Variants in LAMP3 observed in about 807,000 individuals in gnomAD.
LAMP3 encodes lysosome associated membrane protein 3.
Under a neutral mutation model 34.8 loss-of-function variants are expected in LAMP3, and 26 were observed. The ratio of observed to expected loss-of-function variants is 0.75; its 90% CI spans 0.55 to 1.04. LAMP3 has a LOEUF of 1.04. LAMP3 is among the 50% of genes least tolerant of loss of function. The pLI, the probability that LAMP3 is intolerant of heterozygous loss-of-function variation, is 0.00. For missense variants in LAMP3, 495 were observed against 524.0 expected (o/e 0.94, Z 0.54); for synonymous variants, 180 against 201.9 (o/e 0.89, Z 0.92).
chr3:183,161,719 C>T (rs969191956), intron 1 of LAMP3, among the ~76,000 whole-genome samples: 1 of 152,104 alleles, frequency 6.6e-6, no homozygotes, highest in African/African-American at 2.4e-5. Context: ...TGAGCCTATC[C>T]ATCCATTCAA....
chr3:183,153,751 A>G lies in LAMP3; in HGVS notation c.690T>C (p.Val230=). The G allele has an allele frequency of 2.6e-6, 4 of 1,553,842 alleles. No individual in the cohort carries two copies. Among genetic ancestry groups the G allele is most frequent in the Non-Finnish European group, 3.5e-6 (4 of 1,152,132 alleles). Reference sequence around the variant, plus strand: ...TTATACAGAGTCTGCTTCCGTTTAGAACCTGATAAATTCCAGTCTTGACTG... The same window carrying G: ...TTATACAGAGTCTGCTTCCGTTTAGGACCTGATAAATTCCAGTCTTGACTG... ...PSSVKTGIYQ[V]LNGSRLCIKA... Residue 230 remains valine (V), a synonymous_variant, in exon 2 of 6, where the codon GTT becomes GTC. Transcript: ENST00000265598.
At chr3:183,143,015 A>G (rs1300712173) in intron 3 of LAMP3, among the ~76,000 whole-genome samples, 2 of 152,166 alleles carry the variant, frequency 1.3e-5, no homozygotes, top group South Asian at 2.1e-4. Flanking sequence ...AGTTCATCTT[A>G]AGGACACACA....
chr3:183,126,089 A>G lies in LAMP3; in HGVS notation c.1118-1875T>C, dbSNP rs1157934571. On this transcript the variant is annotated intron_variant, in intron 5 of 5. Transcript: ENST00000265598. ...CTGTTGACCCAATAATTCTATCTCT[A>G]GGAAATTATCCCAAAGATATATTCA... Among the ~76,000 whole-genome samples, 3 of 152,354 alleles carry G rather than the reference A, an allele frequency of 2.0e-5. No individual in the cohort carries two copies. The East Asian group carries it at 5.8e-4, about 29-fold the overall frequency.
chr3:183,160,135 T>C (rs1243611677), intron 1 of LAMP3, among the ~76,000 whole-genome samples: 4 of 152,234 alleles, frequency 2.6e-5, no homozygotes, highest in Non-Finnish European at 5.9e-5. Flanking sequence ...TATTTTGGCT[T>C]GTGTCTTACG....
chr3:183,155,496 C>T (rs995349495), intron 1 of LAMP3, among the ~76,000 whole-genome samples: 9 of 152,214 alleles, frequency 5.9e-5, no homozygotes, highest in Admixed American at 3.3e-4. Context: ...GGCAGCTCCT[C>T]AGAGCATCTT....
rs28442239 is a variant in LAMP3, at chr3:183,154,745, G to A, written c.50-354C>T. Among the ~76,000 whole-genome samples, 843 of 152,198 alleles carry A rather than the reference G, an allele frequency of 5.5e-3. 11 individuals carry two copies. The highest frequency in any genetic ancestry group is 0.019 in the African/African-American group (806 of 41,512). Reference sequence around the variant, plus strand: ...ATTCTCCACCTTCAAATGTGGATCCGGACAGCTGACATAAAATAGTGTTCC... The same window carrying A: ...ATTCTCCACCTTCAAATGTGGATCCAGACAGCTGACATAAAATAGTGTTCC... On this transcript the variant is annotated intron_variant, in intron 1 of 5. Coordinates refer to ENST00000265598, the MANE Select transcript of LAMP3 (RefSeq NM_014398.4).
Position 183,152,526 on chromosome 3 carries a change from G to A in LAMP3, c.760-23C>T, listed in dbSNP as rs892213490. ...AACCTAAATCAAGTTAGATAGATCA[G>A]CTAAATGAGATGTAGAGGAAAACTC... On this transcript the variant is annotated intron_variant, in intron 2 of 5. Coordinates refer to ENST00000265598, the MANE Select transcript of LAMP3 (RefSeq NM_014398.4). The A allele has an allele frequency of 4.4e-6, 7 of 1,587,944 alleles. No homozygotes were observed. The Admixed American group carries it at 7.2e-5, about 16-fold the overall frequency.
intron 5 of LAMP3, among the ~76,000 whole-genome samples, chr3:183,131,372 C>A (rs1719914632): frequency 6.6e-6 from 1 of 152,122 alleles, no homozygotes; most frequent in African/African-American, 2.4e-5. Flanking sequence ...CTTTCGAGTG[C>A]CCTTAACACT....
At chr3:183,132,841 G>C in intron 5 of LAMP3, 1 of 985,414 alleles carries the variant, frequency 1.0e-6, no homozygotes, top group Middle Eastern at 5.2e-4. Flanking sequence ...ATCCTCTACT[G>C]GGCCTCTTTC....
At chr3:183,153,582 C>A in intron 2 of LAMP3, 100 bp downstream of exon 2, 1 of 763,752 alleles carries the variant, frequency 1.3e-6, no homozygotes, top group Middle Eastern at 2.4e-4. Flanking sequence ...CTATTGGTTT[C>A]ATTTAAAGAC....
At chr3:183,139,305 G>A (rs572883310) in intron 4 of LAMP3, among the ~76,000 whole-genome samples, 3 of 151,430 alleles carry the variant, frequency 2.0e-5, no homozygotes, top group Non-Finnish European at 4.4e-5. Context: ...CAGGAGAATC[G>A]CTTGAATCTG....
In LAMP3 at chr3:183,135,799, G is replaced by A; in HGVS notation, c.1035C>T (p.Leu345=). 2.5e-6 allele frequency: 4 copies of A among 1,614,118 alleles called. No homozygotes were observed. Among genetic ancestry groups the A allele is most frequent in the Non-Finnish European group, 3.4e-6 (4 of 1,179,930 alleles). Residue 345 remains leucine, a synonymous_variant, in exon 5 of 6, where the codon CTC becomes CTT. Coordinates refer to ENST00000265598, the MANE Select transcript of LAMP3 (RefSeq NM_014398.4). ...TCACCTGCAGGTGGGCTGACAACTG[G>A]AGGCTCTGTTCACTCACGCACTTGA... ...HSFKCVSEQS[L]QLSAHLQVKT...
At chr3:183,146,006 G>A (rs1720429155) in intron 3 of LAMP3, among the ~76,000 whole-genome samples, 1 of 152,128 alleles carries the variant, frequency 6.6e-6, no homozygotes, top group Admixed American at 6.6e-5. Flanking sequence ...GATAAATCAG[G>A]CCTAATCAAC....
chr3:183,134,597 G>C (rs143347390), intron 5 of LAMP3, among the ~76,000 whole-genome samples: 3 of 152,124 alleles, frequency 2.0e-5, no homozygotes, highest in African/African-American at 7.2e-5. Context: ...GACAAATGGG[G>C]CCAACCTCTA....
chr3:183,124,687 C>T (rs1272046326), intron 5 of LAMP3, among the ~76,000 whole-genome samples: 2 of 152,016 alleles, frequency 1.3e-5, no homozygotes, highest in Non-Finnish European at 2.9e-5. Flanking sequence ...ACAAAATTAG[C>T]CGGGCGTGGT....
In LAMP3 at chr3:183,161,744, C is replaced by CAGGT. The variant is rs571700428; in HGVS notation, c.49+859_49+862dup. On this transcript the variant is annotated intron_variant, in intron 1 of 5. Coordinates refer to ENST00000265598, the MANE Select transcript of LAMP3 (RefSeq NM_014398.4). ...CATCCATTCAAGGAGCGCTCACATA[C>CAGGT]AGGTCACTGTGGGTTACCGCTAGGC... Among the ~76,000 whole-genome samples, 95 of 152,264 alleles carry CAGGT rather than the reference C, an allele frequency of 6.2e-4. 2 individuals carry two copies. The South Asian group carries it at 0.02, about 31-fold the overall frequency.
In LAMP3 at chr3:183,146,056, A is replaced by G. The variant is rs536501466; in HGVS notation, c.889-5461T>C. Reference sequence around the variant, plus strand: ...CTACAACTTAGCTCTCATAACATCTATTATATTATAATGAATAAACTCACA... The same window carrying G: ...CTACAACTTAGCTCTCATAACATCTGTTATATTATAATGAATAAACTCACA... On this transcript the variant is annotated intron_variant, in intron 3 of 5. Coordinates refer to ENST00000265598, the MANE Select transcript of LAMP3 (RefSeq NM_014398.4). Among the ~76,000 whole-genome samples, 19 of 152,318 alleles carry G rather than the reference A, an allele frequency of 1.2e-4. No homozygotes were observed. In the South Asian group the frequency reaches 1.9e-3, roughly 15 times the overall value.
At chr3:183,142,659 A>G (rs1720320112) in intron 3 of LAMP3, among the ~76,000 whole-genome samples, 2 of 152,224 alleles carry the variant, frequency 1.3e-5, no homozygotes, top group Middle Eastern at 3.4e-3. Context: ...CCTCCATGGG[A>G]TGTGTGGGTA....
intron 1 of LAMP3, among the ~76,000 whole-genome samples, chr3:183,157,474 C>T (rs1207546796): frequency 6.6e-6 from 1 of 152,154 alleles, no homozygotes; most frequent in Non-Finnish European, 1.5e-5. Context: ...TGCTGGTTCT[C>T]TGGTCAAACA....
Sources: allele counts gnomAD v4.1 joint callset (sites outside exome capture counted in the v4.1 genomes callset), GRCh38; gene constraint gnomAD v4.1.1; transcripts MANE v1.5; gene names NCBI Gene and HGNC (gene_info 2026-07-23, HGNC 2026-07-21).